The following SLC16A3 variants were observed in gnomAD, a reference collection of about 807,000 sequenced individuals.
The protein encoded by SLC16A3 is monocarboxylate transporter 4.
In SLC16A3, 22 loss-of-function variants were observed where a neutral mutation model predicts 25.0. That is an observed-to-expected ratio of 0.88 (90% CI 0.63 to 1.26). The LOEUF is 1.26. Ranked by LOEUF, SLC16A3 falls within the 50% of genes most tolerant of loss-of-function variation. The pLI, the probability that SLC16A3 is intolerant of heterozygous loss-of-function variation, is 0.00. For missense variants in SLC16A3, 731 were observed against 666.6 expected (o/e 1.10, Z -1.06); for synonymous variants, 390 against 309.2 (o/e 1.26, Z -2.74).
intron 2 of SLC16A3, 36 bp downstream of exon 2, chr17:82,236,267 G>A (rs951862448): frequency 6.3e-7 from 1 of 1,587,266 alleles, no homozygotes; most frequent in Non-Finnish European, 8.6e-7. Context: ...CCTGTCCGGG[G>A]CTCTGCTGGC....
chr17:82,222,380 G>A (rs906645192), intron 1 of SLC16A3, among the ~76,000 whole-genome samples: 6 of 152,256 alleles, frequency 3.9e-5, no homozygotes, highest in African/African-American at 1.4e-4. Flanking sequence ...ACAAATACTG[G>A]CCCAGGAATG....
intron 1 of SLC16A3, among the ~76,000 whole-genome samples, chr17:82,232,706 T>C (rs2050517228): frequency 6.6e-6 from 1 of 152,030 alleles, no homozygotes; most frequent in Admixed American, 6.5e-5. Flanking sequence ...GCCCCTGGCT[T>C]GGGAGGGCGC....
At chr17:82,231,187 C>T (rs1161889458) in intron 1 of SLC16A3, 1 of 152,174 alleles carries the variant, frequency 6.6e-6, no homozygotes, top group East Asian at 1.9e-4. Context: ...CCCCCTCCCC[C>T]GGGTGGGCCC....
At chr17:82,223,423 A>G (rs1218716239), upstream of SLC16A3, among the ~76,000 whole-genome samples, 1 of 152,138 alleles carries the variant, frequency 6.6e-6, no homozygotes, top group African/African-American at 2.4e-5. Context: ...TCCTGACCTC[A>G]GGTGATCTGC....
chr17:82,238,736 C>G lies in SLC16A3; in HGVS notation c.1158C>G (p.Tyr386Ter). ...KLLDATHVYM[Y>*]VFILAGAEVL... ...TGGATGCGACCCACGTCTACATGTA[C>G]GTGTTCATCCTGGCGGGGGCCGAGG... The change falls in exon 5 of 5, where the codon TAC becomes TAG. Residue 386 changes from tyrosine (Y) to a stop codon, truncating the protein, a stop_gained. Transcript: ENST00000582743. LOFTEE classifies it low-confidence loss of function (END_TRUNC). 1.2e-6 allele frequency: 2 copies of G among 1,612,384 alleles called. No homozygotes were observed. Among genetic ancestry groups the G allele is most frequent in the Non-Finnish European group, 1.7e-6 (2 of 1,179,850 alleles).
upstream of SLC16A3, among the ~76,000 whole-genome samples, chr17:82,225,961 G>A (rs1305890110): frequency 1.3e-5 from 2 of 152,098 alleles, no homozygotes; most frequent in Non-Finnish European, 1.5e-5. Context: ...GACTCTCGGG[G>A]CAGCCCATGG....
At chr17:82,229,545 G>C (rs1437897900) in intron 1 of SLC16A3, 6 of 152,474 alleles carry the variant, frequency 3.9e-5, no homozygotes, top group East Asian at 1.9e-4. Context: ...GGGAGCACTT[G>C]CGCTCGGGCC....
chr17:82,224,276 A>C (rs1599548587), upstream of SLC16A3, among the ~76,000 whole-genome samples: 1 of 53,082 alleles, frequency 1.9e-5, no homozygotes, highest in African/African-American at 9.3e-5. Flanking sequence ...ACACCCCTAC[A>C]CCCGTGCAGA....
At position 82,240,080 on chromosome 17, in the gene SLC16A3, C is replaced by T. The variant is rs761086341; in HGVS notation, c.*1104C>T. ...CTGCTCCTCTGCAATGAAAAGCAAG[C>T]GAAAAGTGCACATCTCAGGTCCAGC... On this transcript the variant is annotated 3_prime_UTR_variant, in exon 5 of 5. Transcript: ENST00000582743. The T allele has an allele frequency of 1.6e-5, 20 of 1,233,448 alleles. No individual in the cohort carries two copies. The South Asian group carries it at 2.0e-4, about 13-fold the overall frequency. The allele number at this position is 1,233,448 out of a possible 1,614,324, so 76.4% of individuals were successfully genotyped here.
At chr17:82,236,994 C>A in intron 3 of SLC16A3, 122 bp downstream of exon 3, 1 of 1,473,234 alleles carries the variant, frequency 6.8e-7, no homozygotes. Context: ...CCCGGCCCCA[C>A]CTCGTTGTCC....
chr17:82,235,364 C>T (rs4077542), intron 1 of SLC16A3: 12,195 of 156,892 alleles, frequency 0.078, 1,414 homozygotes, highest in African/African-American at 0.26. Flanking sequence ...CCCTGTGCTT[C>T]CAACTGCCCC....
rs760433852 is a variant in SLC16A3, at chr17:82,236,767, C to G, written c.262C>G (p.Arg88Gly). ...CSVCVNRFGC[R>G]PVMLVGGLFA... Reference sequence around the variant, plus strand: ...TGTGTGCGTGAACCGCTTTGGCTGCCGGCCCGTCATGCTTGTGGGGGGTCT... The same window carrying G: ...TGTGTGCGTGAACCGCTTTGGCTGCGGGCCCGTCATGCTTGTGGGGGGTCT... Residue 88 changes from arginine (R) to glycine (G), a missense_variant, in exon 3 of 5, where the codon CGG becomes GGG. Transcript: ENST00000582743. The G allele has an allele frequency of 1.2e-6, 2 of 1,608,648 alleles. No homozygotes were observed. Among genetic ancestry groups the G allele is most frequent in the South Asian group, 2.2e-5 (2 of 91,080 alleles).
chr17:82,233,981 C>CT (rs1599556052), intron 1 of SLC16A3: 1 of 152,200 alleles, frequency 6.6e-6, no homozygotes, highest in African/African-American at 2.4e-5. Flanking sequence ...GCTGGGACTA[C>CT]AGGCGCCTGC....
chr17:82,237,785 C>T lies in SLC16A3; in HGVS notation c.1015C>T (p.Gln339Ter). 1 of 1,611,550 alleles carries T rather than the reference C, an allele frequency of 6.2e-7. No individual in the cohort carries two copies. The highest frequency in any genetic ancestry group is 8.5e-7 in the Non-Finnish European group (1 of 1,179,940). Residue 339 changes from glutamine to a stop codon, truncating the protein, a stop_gained, in exon 4 of 5, where the codon CAG (glutamine) becomes TAG (stop). Transcript: ENST00000582743. LOFTEE classifies it high-confidence loss of function. Reference sequence around the variant, plus strand: ...CTCCTACGGCATGGTGGGGGCCCTGCAGTTCGAGGTGCTCATGGCCATCGT... The same window carrying T: ...CTCCTACGGCATGGTGGGGGCCCTGTAGTTCGAGGTGCTCATGGCCATCGT... ...GISYGMVGAL[Q>*]FEVLMAIVGT...
chr17:82,223,846 T>C (rs2050403436), upstream of SLC16A3, among the ~76,000 whole-genome samples: 1 of 151,968 alleles, frequency 6.6e-6, no homozygotes, highest in Non-Finnish European at 1.5e-5. Context: ...CCAGCAGCAT[T>C]GACCCTGTCT....
At chr17:82,228,220 T>C (rs2050439847), upstream of SLC16A3, among the ~76,000 whole-genome samples, 1 of 152,196 alleles carries the variant, frequency 6.6e-6, no homozygotes, top group Non-Finnish European at 1.5e-5. Context: ...GTTATTTCCA[T>C]GTTGCAAATG....
At chr17:82,225,608 G>A (rs1277504479), upstream of SLC16A3, among the ~76,000 whole-genome samples, 6 of 152,276 alleles carry the variant, frequency 3.9e-5, no homozygotes, top group East Asian at 1.2e-3. Flanking sequence ...CTGTGGCTCG[G>A]CCGGAATGTC....
rs1249512784 is a variant in SLC16A3 at position 82,239,726 on chromosome 17, G to T, written c.*750G>T. On this transcript the variant is annotated 3_prime_UTR_variant, in exon 5 of 5. Coordinates refer to ENST00000582743, the MANE Select transcript of SLC16A3 (RefSeq NM_004207.4). ...CCTACGTGGTGGTTAGATGGGAGCT[G>T]AGGTGGAACAAGCCACTTTATTCAC... 5.3e-6 allele frequency: 2 copies of T among 378,970 alleles called. No homozygotes were observed. Among genetic ancestry groups the T allele is most frequent in the Non-Finnish European group, 9.3e-6 (2 of 213,958 alleles). 23.5% of individuals were successfully genotyped at this position (378,970 alleles called of 1,614,324 possible).
Position 82,237,389 on chromosome 17 carries a change from G to T in SLC16A3, c.619G>T (p.Gly207Cys). 2 of 1,548,458 alleles carry T rather than the reference G, an allele frequency of 1.3e-6. No homozygotes were observed. Among genetic ancestry groups the T allele is most frequent in the South Asian group, 1.2e-5 (1 of 85,324 alleles). Residue 207 changes from glycine (G) to cysteine (C), a missense_variant, in exon 4 of 5, where the codon GGC becomes TGC. Coordinates refer to ENST00000582743, the MANE Select transcript of SLC16A3 (RefSeq NM_004207.4). ...GCCCCTGGTGGTCACGGCCCAGCCG[G>T]GCTCGGGGCCGCCGCGACCCTCCCG... ...MRPLVVTAQP[G>C]SGPPRPSRRL...
Sources: gnomAD v4.1 joint callset for allele counts (sites outside exome capture counted in the v4.1 genomes callset) on GRCh38, gnomAD v4.1.1 for gene constraint, MANE v1.5 for transcripts, NCBI Gene and HGNC (gene_info 2026-07-23, HGNC 2026-07-21) for gene names.